The following MRC1 variants were observed in gnomAD, a reference collection of about 807,000 sequenced individuals.
MRC1 encodes macrophage mannose receptor 1.
A neutral mutation model predicts 102.9 loss-of-function variants in MRC1; 62 were observed. The ratio of observed to expected loss-of-function variants is 0.60; its 90% CI spans 0.49 to 0.74. The LOEUF is 0.74. MRC1 is among the 30% of genes least tolerant of loss of function. The pLI, the probability that MRC1 is intolerant of heterozygous loss-of-function variation, is 0.00. For missense variants in MRC1, 1,237 were observed against 862.8 expected, an observed-to-expected ratio of 1.43 and a Z score of -5.43; for synonymous variants, 457 against 298.4, an observed-to-expected ratio of 1.53 and a Z score of -5.48.
intron 23 of MRC1, among the ~76,000 whole-genome samples, chr10:17,895,391 G>A (rs1466472734): frequency 6.6e-6 from 1 of 151,770 alleles, no homozygotes; most frequent in African/African-American, 2.4e-5. Flanking sequence ...ACAGTTTTGG[G>A]CAGACTAAAC....
intron 4 of MRC1, among the ~76,000 whole-genome samples, chr10:17,837,313 TCTTTAAGTAAAAAATGTCAGGCATTAGG>T (rs1475885497): frequency 2.6e-5 from 4 of 152,190 alleles, no homozygotes; most frequent in Non-Finnish European, 5.9e-5. Context: ...TTCCTGCCTT[TCTTTAAGTAAAAAATGTCAGGCATTAGG>T]ACAAGAAAAA....
intron 22 of MRC1, among the ~76,000 whole-genome samples, chr10:17,888,873 C>T (rs1833636757): frequency 1.3e-5 from 2 of 152,106 alleles, no homozygotes; most frequent in Non-Finnish European, 2.9e-5. Context: ...TTGAAGTCTC[C>T]AGTCCTAATC....
Position 17,820,111 on chromosome 10 carries a change from T to G in MRC1, c.62-2963T>G, listed in dbSNP as rs1838373429. ...GGAGGGTGAGCTGCTTTACTCAAAG[T>G]TGGCTGATTGAAATGATCATCTCAT... is the stretch of plus-strand genomic sequence containing the variant. On this transcript the variant is annotated intron_variant, in intron 1 of 29. Transcript: ENST00000569591. Among the ~76,000 whole-genome samples the G allele has an allele frequency of 2.6e-5, 4 of 152,182 alleles. No individual in the cohort carries two copies. The South Asian group carries it at 8.3e-4, about 32-fold the overall frequency.
chr10:17,824,646 A>G (rs1838446325), intron 2 of MRC1, among the ~76,000 whole-genome samples: 1 of 152,212 alleles, frequency 6.6e-6, no homozygotes, highest in Admixed American at 6.5e-5. Context: ...GAACACAAAA[A>G]AAACCTTTCA....
In MRC1 at chr10:17,832,779, T is replaced by C. The variant is rs1003078192; in HGVS notation, c.638-896T>C. 1.0e-3 allele frequency among the ~76,000 whole-genome samples: 159 copies of C among 151,478 alleles called. 2 individuals carry two copies. The highest frequency in any genetic ancestry group is 0.01 in the Middle Eastern group (3 of 294). Reference sequence around the variant, plus strand: ...ATTTTTTTTGTATTTTTAATAGAGATGGGGTTTCACTGTGTTAGCCAAGAT... The same window carrying C: ...ATTTTTTTTGTATTTTTAATAGAGACGGGGTTTCACTGTGTTAGCCAAGAT... On this transcript the variant is annotated intron_variant, in intron 3 of 29. Coordinates refer to ENST00000569591, the MANE Select transcript of MRC1 (RefSeq NM_002438.4).
rs1222806808 is a variant in MRC1, at chr10:17,872,179, C to CA, written c.2344+54dup. The CA allele has an allele frequency of 4.0e-5, 31 of 779,752 alleles. No homozygotes were observed. The East Asian group carries it at 7.0e-4, about 18-fold the overall frequency. The allele number at this position is 779,752 out of a possible 1,614,324, so 48.3% of individuals were successfully genotyped here. ...TCAGCTTGGTAGACTAACCTCCTGA[C>CA]ACCCCAGAATCTTTCCTTTATTAGC... On this transcript the variant is annotated intron_variant, in intron 15 of 29. Coordinates refer to ENST00000569591, the MANE Select transcript of MRC1 (RefSeq NM_002438.4).
chr10:17,872,052 A>G lies in MRC1; in HGVS notation c.2270A>G (p.Lys757Arg). 1.3e-6 allele frequency: 1 copy of G among 780,708 alleles called. No homozygotes were observed. The highest frequency in any genetic ancestry group is 2.4e-5 in the East Asian group (1 of 41,244). The allele number at this position is 780,708 out of a possible 1,614,324, so 48.4% of individuals were successfully genotyped here. The stretch of plus-strand genomic sequence containing the variant: ...AATGTTGAATACTGTGGTGAGCTGA[A>G]AGGTGACCCTACTATGTCTTGGAAT... ...YQNVEYCGEL[K>R]GDPTMSWNDI... Residue 757 changes from lysine to arginine, a missense_variant, in exon 15 of 30, where the codon AAA becomes AGA. Transcript: ENST00000569591.
At chr10:17,849,173 T>G (rs1027829243) in intron 6 of MRC1, among the ~76,000 whole-genome samples, 3 of 151,488 alleles carry the variant, frequency 2.0e-5, no homozygotes, top group African/African-American at 7.3e-5. Context: ...CAGTGGCTTA[T>G]GCCCTGTAGT....
chr10:17,892,431 T>A (rs1554843187), intron 22 of MRC1, among the ~76,000 whole-genome samples: 1 of 152,200 alleles, frequency 6.6e-6, no homozygotes, highest in Non-Finnish European at 1.5e-5. Flanking sequence ...TCAATTCTTA[T>A]TCCCTATATC....
intron 3 of MRC1, among the ~76,000 whole-genome samples, chr10:17,830,236 A>C (rs1554838962): frequency 2.0e-5 from 3 of 151,126 alleles, no homozygotes; most frequent in African/African-American, 7.4e-5. Flanking sequence ...GGCTCAAGTG[A>C]TTCTCCTGCC....
Position 17,827,731 on chromosome 10 carries a change from C to T in MRC1, c.637+16C>T, listed in dbSNP as rs1233048623. The T allele has an allele frequency of 1.3e-6, 1 of 780,512 alleles. No homozygotes were observed. 48.3% of individuals were successfully genotyped at this position (780,512 alleles called of 1,614,324 possible). On this transcript the variant is annotated intron_variant, in intron 3 of 29. Coordinates refer to ENST00000569591, the MANE Select transcript of MRC1 (RefSeq NM_002438.4). The stretch of plus-strand genomic sequence containing the variant: ...CCATTGAAATGTAAGTACTGTTTAT[C>T]ACCAAGAAAAGTTGGGCACATTTAG...
At chr10:17,841,020 A>G (rs1459406083) in intron 5 of MRC1, among the ~76,000 whole-genome samples, 2 of 152,240 alleles carry the variant, frequency 1.3e-5, no homozygotes, top group African/African-American at 4.8e-5. Flanking sequence ...TTTGTCTGCC[A>G]GGATTCTCAC....
chr10:17,900,497 CA>C (rs1833814903), intron 24 of MRC1, among the ~76,000 whole-genome samples: 1 of 151,990 alleles, frequency 6.6e-6, no homozygotes, highest in Non-Finnish European at 1.5e-5. Flanking sequence ...AACCTGCAAA[CA>C]AGGGGAGTTT....
chr10:17,825,362 T>C (rs1838457906), intron 2 of MRC1, among the ~76,000 whole-genome samples: 1 of 152,136 alleles, frequency 6.6e-6, no homozygotes, highest in East Asian at 1.9e-4. Flanking sequence ...TGCAGTTACA[T>C]GATGTGTCAG....
Position 17,898,173 on chromosome 10 carries a change from A to G in MRC1, c.3390A>G (p.Ile1130Met). 2 of 780,892 alleles carry G rather than the reference A, an allele frequency of 2.6e-6. No homozygotes were observed. Among genetic ancestry groups the G allele is most frequent in the Admixed American group, 1.7e-5 (1 of 59,036 alleles). The allele number at this position is 780,892 out of a possible 1,614,324, so 48.4% of individuals were successfully genotyped here. A position where few individuals can be genotyped will look rare whatever the true frequency, so the allele number is the denominator to read the frequency against. Residue 1130 changes from isoleucine (I) to methionine (M), a missense_variant, in exon 24 of 30, where the codon ATA (isoleucine) becomes ATG (methionine). By Grantham distance (10) the Ile-to-Met change is conservative (BLOSUM62 1). Coordinates refer to ENST00000569591, the MANE Select transcript of MRC1 (RefSeq NM_002438.4). ...ACTGCAAGCTTCACAATTCCCTTAT[A>G]GCCAGCATTCTGGATCCCTACAGTA... ...ETYCKLHNSL[I>M]ASILDPYSNA...
chr10:17,822,349 C>T (rs1014401560), intron 1 of MRC1, among the ~76,000 whole-genome samples: 7 of 152,230 alleles, frequency 4.6e-5, no homozygotes, highest in South Asian at 4.2e-4. Context: ...CTAGTCTGGG[C>T]GAGGTGGCTC....
chr10:17,855,818 A>G (rs1053604646), intron 8 of MRC1, among the ~76,000 whole-genome samples: 2 of 152,130 alleles, frequency 1.3e-5, no homozygotes, highest in African/African-American at 2.4e-5. Context: ...TTTTCTCTCA[A>G]TAACCTTGGA....
chr10:17,874,365 T>C (rs1833396781), intron 16 of MRC1, among the ~76,000 whole-genome samples: 3 of 152,124 alleles, frequency 2.0e-5, no homozygotes, highest in Non-Finnish European at 4.4e-5. Flanking sequence ...AGTGATCACA[T>C]TGCCTCCTTC....
chr10:17,851,693 G>C (rs1838919500), intron 7 of MRC1, among the ~76,000 whole-genome samples: 1 of 152,142 alleles, frequency 6.6e-6, no homozygotes, highest in Non-Finnish European at 1.5e-5. Flanking sequence ...TCTTTGAGGG[G>C]TACATGAGGT....
Sources: allele counts gnomAD v4.1 joint callset (sites outside exome capture counted in the v4.1 genomes callset), GRCh38; gene constraint gnomAD v4.1.1; transcripts MANE v1.5; gene names NCBI Gene and HGNC (gene_info 2026-07-23, HGNC 2026-07-21).